The following SDK1 variants were observed in gnomAD, a reference collection of about 807,000 sequenced individuals.
SDK1 encodes the protein protein sidekick-1.
A neutral mutation model predicts 245.5 loss-of-function variants in SDK1; 157 were observed. The observed-to-expected ratio is 0.64, with a 90% CI of 0.56 to 0.73. The LOEUF is 0.73. Among genes scored for constraint, SDK1 ranks in the 30% least tolerant of loss-of-function variants. SDK1 has a pLI of 0.00. For missense variants in SDK1, 3,583 were observed against 3,002.3 expected, an observed-to-expected ratio of 1.19 and a Z score of -4.52; for synonymous variants, 1,647 against 1,278.5, an observed-to-expected ratio of 1.29 and a Z score of -6.15.
At chr7:3,676,159 G>T (rs563379663) in intron 4 of SDK1, among the ~76,000 whole-genome samples, 1 of 151,662 alleles carries the variant, frequency 6.6e-6, no homozygotes, top group African/African-American at 2.4e-5. Context: ...TGGAGACGGG[G>T]TCTCACTATG....
intron 1 of SDK1, among the ~76,000 whole-genome samples, chr7:3,475,197 A>G (rs1781315868): frequency 6.6e-6 from 1 of 152,080 alleles, no homozygotes; most frequent in Admixed American, 6.5e-5. Context: ...CTGGAACCTG[A>G]ACTCTCCCTC....
intron 4 of SDK1, among the ~76,000 whole-genome samples, chr7:3,776,476 G>A (rs1780566331): frequency 6.6e-6 from 1 of 152,150 alleles, no homozygotes; most frequent in African/African-American, 2.4e-5. Flanking sequence ...TCAATATTAT[G>A]AACCCGATCA....
At chr7:3,830,469 G>C (rs554098827) in intron 5 of SDK1, among the ~76,000 whole-genome samples, 1 of 152,120 alleles carries the variant, frequency 6.6e-6, no homozygotes, top group East Asian at 1.9e-4. Context: ...TTGGGGGCTA[G>C]AACTTAAAGT....
At chr7:3,627,003 T>C (rs902257134) in intron 2 of SDK1, among the ~76,000 whole-genome samples, 3 of 152,028 alleles carry the variant, frequency 2.0e-5, no homozygotes, top group African/African-American at 7.2e-5. Context: ...TCATAGTTCA[T>C]TGCAGCCTCG....
At chr7:3,474,292 C>T (rs969308443) in intron 1 of SDK1, among the ~76,000 whole-genome samples, 2 of 151,382 alleles carry the variant, frequency 1.3e-5, no homozygotes, top group African/African-American at 4.9e-5. Context: ...GACGGGGTTT[C>T]ACCATGTTGG....
chr7:3,789,853 G>C (rs1033652892), intron 4 of SDK1, among the ~76,000 whole-genome samples: 1 of 152,080 alleles, frequency 6.6e-6, no homozygotes, highest in Admixed American at 6.6e-5. Flanking sequence ...GTTGCAGTCA[G>C]AGAGCCTGCA....
intron 4 of SDK1, among the ~76,000 whole-genome samples, chr7:3,775,340 T>C (rs1780521653): frequency 6.6e-6 from 1 of 152,194 alleles, no homozygotes; most frequent in Non-Finnish European, 1.5e-5. Context: ...TGCCTATGGT[T>C]CAACCTAATA....
chr7:3,641,813 C>T (rs570457853), intron 3 of SDK1, 145 bp from the exon 4 acceptor site: 40 of 680,538 alleles, frequency 5.9e-5, no homozygotes, highest in Non-Finnish European at 8.6e-5. Flanking sequence ...CGTTGGTCAG[C>T]GCTGCCGTGC....
At chr7:4,050,143 C>T (rs942767972) in intron 18 of SDK1, among the ~76,000 whole-genome samples, 1 of 152,200 alleles carries the variant, frequency 6.6e-6, no homozygotes, top group African/African-American at 2.4e-5. Context: ...CTTTAATAGA[C>T]GATGGACAGG....
At chr7:3,862,379 C>A (rs537681265) in intron 5 of SDK1, among the ~76,000 whole-genome samples, 2 of 152,198 alleles carry the variant, frequency 1.3e-5, no homozygotes, top group Admixed American at 1.3e-4. Context: ...CAGTCTCGGT[C>A]TGTGTTGTTG....
chr7:4,167,520 A>G (rs1368848820), intron 32 of SDK1, among the ~76,000 whole-genome samples: 1 of 152,212 alleles, frequency 6.6e-6, no homozygotes, highest in African/African-American at 2.4e-5. Context: ...GTTTTGAGGC[A>G]GGACTCCCAG....
chr7:3,596,953 T>C (rs1562590937), intron 1 of SDK1, among the ~76,000 whole-genome samples: 2 of 152,164 alleles, frequency 1.3e-5, no homozygotes, highest in Non-Finnish European at 2.9e-5. Context: ...ACTGGCCGCC[T>C]GTGATTGGCC....
intron 1 of SDK1, among the ~76,000 whole-genome samples, chr7:3,330,462 T>TA (rs1434506613): frequency 6.6e-6 from 1 of 152,168 alleles, no homozygotes; most frequent in Admixed American, 6.5e-5. Context: ...TAGGATTAGA[T>TA]AAAGGTCATC....
chr7:3,475,617 A>G (rs1187050411), intron 1 of SDK1, among the ~76,000 whole-genome samples: 1 of 152,256 alleles, frequency 6.6e-6, no homozygotes, highest in Non-Finnish European at 1.5e-5. Flanking sequence ...TTGTATAAAA[A>G]TCAAATGACA....
intron 1 of SDK1, among the ~76,000 whole-genome samples, chr7:3,578,599 C>T (rs1780379976): frequency 6.6e-6 from 1 of 151,854 alleles, no homozygotes; most frequent in Non-Finnish European, 1.5e-5. Context: ...CAGACACTCC[C>T]ACAGCAGCCG....
At chr7:3,617,328 C>G (rs1023912761) in intron 1 of SDK1, among the ~76,000 whole-genome samples, 1 of 152,132 alleles carries the variant, frequency 6.6e-6, no homozygotes. Flanking sequence ...TGTAGAGTAA[C>G]CTACAAACAC....
intron 17 of SDK1, among the ~76,000 whole-genome samples, chr7:4,030,255 C>A (rs540003241): frequency 6.6e-6 from 1 of 152,320 alleles, no homozygotes; most frequent in South Asian, 2.1e-4. Context: ...ATAGTCAAGT[C>A]CAGTTAGATA....
intron 1 of SDK1, among the ~76,000 whole-genome samples, chr7:3,348,756 G>A (rs915280675): frequency 1.3e-5 from 2 of 152,132 alleles, no homozygotes; most frequent in African/African-American, 4.8e-5. Flanking sequence ...TCATTTGGAG[G>A]ACTTTCTGAG....
At chr7:3,503,893 C>G (rs374886120) in intron 1 of SDK1, among the ~76,000 whole-genome samples, 1 of 151,654 alleles carries the variant, frequency 6.6e-6, no homozygotes, top group Non-Finnish European at 1.5e-5. Flanking sequence ...GGCTCATGCC[C>G]GTAATCCTAG....
Sources: allele counts gnomAD v4.1 joint callset (sites outside exome capture counted in the v4.1 genomes callset), GRCh38; gene constraint gnomAD v4.1.1; transcripts MANE v1.5; gene names NCBI Gene and HGNC (gene_info 2026-07-23, HGNC 2026-07-21).